ACOXL: variants seen among roughly 807,000 people sequenced by gnomAD.
ACOXL encodes acyl-coenzyme A oxidase-like protein.
A neutral mutation model predicts 71.9 loss-of-function variants in ACOXL; 70 were observed. The ratio of observed to expected loss-of-function variants is 0.97; its 90% CI spans 0.80 to 1.19. ACOXL has a LOEUF of 1.19. Ranked by LOEUF, ACOXL falls within the 50% of genes most tolerant of loss-of-function variation. The pLI, the probability that ACOXL is intolerant of heterozygous loss-of-function variation, is 0.00. For synonymous variants in ACOXL, 253 were observed against 281.6 expected, an observed-to-expected ratio of 0.90 and a Z score of 1.02; for missense variants, 703 against 736.3, an observed-to-expected ratio of 0.95 and a Z score of 0.52.
chr2:111,042,020 C>T (rs2065810606), intron 15 of ACOXL, among the ~76,000 whole-genome samples: 1 of 152,216 alleles, frequency 6.6e-6, no homozygotes, highest in Admixed American at 6.5e-5. Context: ...ACACGGCAGG[C>T]AGGTTGGGCT....
chr2:110,949,641 A>AT (rs1020650435), intron 12 of ACOXL, among the ~76,000 whole-genome samples: 56 of 151,952 alleles, frequency 3.7e-4, no homozygotes, highest in African/African-American at 1.2e-3. Context: ...ATCAGCTCTT[A>AT]TTTTTTTTTA....
intron 1 of ACOXL, among the ~76,000 whole-genome samples, chr2:110,752,659 C>A (rs1293191891): frequency 2.6e-5 from 4 of 151,618 alleles, no homozygotes; most frequent in Non-Finnish European, 5.9e-5. Flanking sequence ...ACTCATGCCT[C>A]TGTTCTTGTT....
At chr2:110,836,447 G>C (rs1272498758) in intron 9 of ACOXL, among the ~76,000 whole-genome samples, 2 of 151,542 alleles carry the variant, frequency 1.3e-5, no homozygotes, top group African/African-American at 2.4e-5. Context: ...GGCTCTCTTT[G>C]AGTGGTATTC....
At chr2:110,881,753 A>C (rs561172588) in intron 10 of ACOXL, among the ~76,000 whole-genome samples, 1 of 152,230 alleles carries the variant, frequency 6.6e-6, no homozygotes, top group East Asian at 1.9e-4. Flanking sequence ...TTTCAGTCTG[A>C]TTGATTCTTC....
chr2:110,776,206 T>A (rs569057316), intron 2 of ACOXL, among the ~76,000 whole-genome samples: 1 of 152,290 alleles, frequency 6.6e-6, no homozygotes, highest in South Asian at 2.1e-4. Context: ...CATGAAGTAT[T>A]TAGAGTGGTC....
intron 11 of ACOXL, among the ~76,000 whole-genome samples, chr2:110,910,409 C>T (rs1035730868): frequency 2.0e-5 from 3 of 152,130 alleles, no homozygotes; most frequent in Admixed American, 6.5e-5. Flanking sequence ...GCTGTAGTTA[C>T]TATGAAAAAG....
chr2:111,103,029 GCCTGTAATCCCA>G (rs2069283265), intron 17 of ACOXL, among the ~76,000 whole-genome samples: 2 of 152,142 alleles, frequency 1.3e-5, no homozygotes, highest in Non-Finnish European at 2.9e-5. Context: ...TGTGGCTCAC[GCCTGTAATCCCA>G]GCCCTTTGGG....
At chr2:110,997,112 G>A (rs953534072) in intron 14 of ACOXL, among the ~76,000 whole-genome samples, 5 of 152,160 alleles carry the variant, frequency 3.3e-5, no homozygotes, top group Admixed American at 6.5e-5. Flanking sequence ...CTACAGCTGC[G>A]GTGAAGAGCA....
At chr2:110,793,526 G>T (rs534143644) in intron 3 of ACOXL, 124 bp from the exon 4 acceptor site, 20 of 826,154 alleles carry the variant, frequency 2.4e-5, no homozygotes, top group Admixed American at 5.7e-5. Flanking sequence ...CATGCCACTT[G>T]CAGGGCTTAG....
At chr2:110,737,379 C>T (rs773106823) in intron 1 of ACOXL, among the ~76,000 whole-genome samples, 9 of 152,222 alleles carry the variant, frequency 5.9e-5, no homozygotes, top group Non-Finnish European at 1.2e-4. Context: ...TTTCTCACTA[C>T]AGCACCATTT....
At chr2:110,771,824 T>C (rs1172171911) in intron 2 of ACOXL, among the ~76,000 whole-genome samples, 1 of 152,206 alleles carries the variant, frequency 6.6e-6, no homozygotes, top group Non-Finnish European at 1.5e-5. Flanking sequence ...GATCCTGGGC[T>C]GGGGGAGTCA....
intron 15 of ACOXL, among the ~76,000 whole-genome samples, chr2:111,047,346 T>C (rs1435757009): frequency 6.6e-6 from 1 of 152,170 alleles, no homozygotes; most frequent in Non-Finnish European, 1.5e-5. Context: ...AGTAGCTCTC[T>C]AAGGAAGCAA....
intron 12 of ACOXL, among the ~76,000 whole-genome samples, chr2:110,977,169 G>A (rs953313205): frequency 1.3e-5 from 2 of 152,064 alleles, no homozygotes; most frequent in South Asian, 2.1e-4. Context: ...GGCGGATCAC[G>A]AGGTCAGGAG....
chr2:110,735,688 G>A (rs1676746875), intron 1 of ACOXL, among the ~76,000 whole-genome samples: 1 of 152,218 alleles, frequency 6.6e-6, no homozygotes, highest in African/African-American at 2.4e-5. Context: ...GACTCCGGGA[G>A]CATCCTGGCT....
chr2:111,077,183 A>G (rs573256881), intron 16 of ACOXL, among the ~76,000 whole-genome samples: 2 of 152,328 alleles, frequency 1.3e-5, no homozygotes, highest in South Asian at 4.1e-4. Context: ...ATTCTTTAGA[A>G]TTTCATTTAA....
intron 11 of ACOXL, among the ~76,000 whole-genome samples, chr2:110,931,732 A>C (rs1483776402): frequency 6.6e-6 from 1 of 152,232 alleles, no homozygotes; most frequent in African/African-American, 2.4e-5. Flanking sequence ...ATACCATTAC[A>C]TATACACTAG....
intron 10 of ACOXL, among the ~76,000 whole-genome samples, chr2:110,863,046 T>C (rs1029160657): frequency 2.0e-5 from 3 of 152,248 alleles, no homozygotes; most frequent in African/African-American, 7.2e-5. Context: ...TGATTTGCTC[T>C]AATTCTCTCA....
intron 10 of ACOXL, among the ~76,000 whole-genome samples, chr2:110,853,102 C>T (rs945663398): frequency 2.0e-5 from 3 of 152,278 alleles, no homozygotes; most frequent in East Asian, 1.9e-4. Flanking sequence ...GGGCCTCGGG[C>T]GGGGTGGTCC....
At chr2:110,770,643 A>G (rs1433226535) in intron 2 of ACOXL, among the ~76,000 whole-genome samples, 2 of 152,262 alleles carry the variant, frequency 1.3e-5, no homozygotes, top group East Asian at 3.8e-4. Flanking sequence ...TGGAGCATCC[A>G]TTTAGAGCTG....
Sources: allele counts gnomAD v4.1 joint callset (sites outside exome capture counted in the v4.1 genomes callset), GRCh38; gene constraint gnomAD v4.1.1; transcripts MANE v1.5; gene names NCBI Gene and HGNC (gene_info 2026-07-23, HGNC 2026-07-21).